Variants in ABCA13 observed in about 807,000 individuals in gnomAD.
The protein encoded by ABCA13 is ATP-binding cassette sub-family A member 13.
A neutral mutation model predicts 478.7 loss-of-function variants in ABCA13; 476 were observed. The observed-to-expected ratio is 0.99, with a 90% CI of 0.92 to 1.07. ABCA13 has a LOEUF of 1.07. Ranked by LOEUF, ABCA13 falls within the 50% of genes least tolerant of loss-of-function variation. The pLI, the probability that ABCA13 is intolerant of heterozygous loss-of-function variation, is 0.00. For missense variants in ABCA13, 6,060 were observed against 5,910.6 expected (o/e 1.03, Z -0.83); for synonymous variants, 2,252 against 2,158.9 (o/e 1.04, Z -1.20).
At chr7:48,563,182 G>A (rs1786650215) in intron 55 of ABCA13, among the ~76,000 whole-genome samples, 3 of 152,142 alleles carry the variant, frequency 2.0e-5, no homozygotes, top group South Asian at 2.1e-4. Flanking sequence ...CAGTCATGCA[G>A]CATTTCTCTT....
intron 55 of ABCA13, among the ~76,000 whole-genome samples, chr7:48,576,440 G>A (rs748245561): frequency 8.5e-5 from 13 of 152,160 alleles, no homozygotes; most frequent in Non-Finnish European, 1.2e-4. Flanking sequence ...AAATCCTTTC[G>A]TGCTTTCAGC....
intron 43 of ABCA13, among the ~76,000 whole-genome samples, chr7:48,466,073 T>C (rs1418306986): frequency 6.6e-6 from 1 of 152,204 alleles, no homozygotes; most frequent in African/African-American, 2.4e-5. Flanking sequence ...AATAATGCAA[T>C]GTAAGTTCTG....
intron 42 of ABCA13, among the ~76,000 whole-genome samples, chr7:48,434,504 T>C (rs1406069298): frequency 6.6e-6 from 1 of 151,984 alleles, no homozygotes; most frequent in Non-Finnish European, 1.5e-5. Context: ...CTAAAGTTTT[T>C]AATTTTGATG....
chr7:48,629,133 T>C (rs969297536), intron 59 of ABCA13, among the ~76,000 whole-genome samples: 1 of 152,208 alleles, frequency 6.6e-6, no homozygotes, highest in Non-Finnish European at 1.5e-5. Context: ...GGTGTACGAT[T>C]CAGTCCTAAT....
intron 45 of ABCA13, among the ~76,000 whole-genome samples, chr7:48,476,494 G>A (rs917563466): frequency 3.9e-5 from 6 of 152,246 alleles, no homozygotes; most frequent in Admixed American, 1.3e-4. Context: ...GAAAGGGTTT[G>A]GAATGCAGAA....
Position 48,249,210 on chromosome 7 carries a change from A to C in ABCA13, c.1866-2A>C. 3.1e-6 allele frequency: 5 copies of C among 1,600,780 alleles called. No individual in the cohort carries two copies. The highest frequency in any genetic ancestry group is 3.4e-6 in the Non-Finnish European group (4 of 1,172,792). ...TTTTCTCTGGATTCTTTTTGATTGC[A>C]GGATATTTCATACACTTGAAAAAAC... On this transcript the variant is annotated splice_acceptor_variant, in intron 14 of 61. Coordinates refer to ENST00000435803, the MANE Select transcript of ABCA13 (RefSeq NM_152701.5). LOFTEE classifies it high-confidence loss of function.
chr7:48,332,483 A>G (rs1421184258), intron 27 of ABCA13, among the ~76,000 whole-genome samples: 1 of 152,166 alleles, frequency 6.6e-6, no homozygotes, highest in East Asian at 1.9e-4. Context: ...AAATATCATC[A>G]TCTTGACTAT....
At chr7:48,582,676 C>T (rs1010113968) in intron 56 of ABCA13, among the ~76,000 whole-genome samples, 3 of 152,172 alleles carry the variant, frequency 2.0e-5, no homozygotes, top group Admixed American at 1.3e-4. Context: ...GAGCCCATGC[C>T]ATGGCTGAGC....
At chr7:48,281,269 A>G (rs1796988365) in intron 18 of ABCA13, 74 bp from the exon 19 acceptor site, 2 of 1,217,670 alleles carry the variant, frequency 1.6e-6, no homozygotes, top group Admixed American at 4.0e-5. Context: ...TTATAACTTA[A>G]CCTACACAGT....
intron 55 of ABCA13, 53 bp downstream of exon 55, chr7:48,528,398 G>T (rs1585711001): frequency 3.2e-6 from 4 of 1,252,890 alleles, no homozygotes; most frequent in Non-Finnish European, 3.2e-6. Flanking sequence ...TAAGCCCAGA[G>T]AACCCCCAGC....
intron 55 of ABCA13, among the ~76,000 whole-genome samples, chr7:48,539,014 A>C (rs887364802): frequency 6.6e-6 from 1 of 152,194 alleles, no homozygotes; most frequent in African/African-American, 2.4e-5. Flanking sequence ...CTGGATTCAG[A>C]GGTTTAGTTA....
chr7:48,589,705 A>C (rs867572297), intron 57 of ABCA13, among the ~76,000 whole-genome samples: 2 of 152,154 alleles, frequency 1.3e-5, no homozygotes, highest in Non-Finnish European at 2.9e-5. Context: ...ACAGAAATTC[A>C]GGTTTTGGAG....
intron 27 of ABCA13, among the ~76,000 whole-genome samples, chr7:48,334,247 G>A (rs1048625903): frequency 6.6e-6 from 1 of 152,084 alleles, no homozygotes; most frequent in South Asian, 2.1e-4. Flanking sequence ...AGTATAGCTG[G>A]CGTTTACTGA....
chr7:48,531,698 G>A (rs1027000202), intron 55 of ABCA13, among the ~76,000 whole-genome samples: 1 of 149,142 alleles, frequency 6.7e-6, no homozygotes, highest in East Asian at 1.9e-4. Flanking sequence ...TCCTTGTAGA[G>A]GTCTTTCACC....
At chr7:48,330,485 G>GTCCATCCATCCATCCA (rs374882823) in intron 27 of ABCA13, among the ~76,000 whole-genome samples, 6 of 134,968 alleles carry the variant, frequency 4.4e-5, no homozygotes, top group East Asian at 2.5e-4. Flanking sequence ...CCATCCATCC[G>GTCCATCCATCCATCCA]TCCATCCATC....
At chr7:48,211,108 T>C (rs1272261581) in intron 3 of ABCA13, among the ~76,000 whole-genome samples, 1 of 152,210 alleles carries the variant, frequency 6.6e-6, no homozygotes, top group East Asian at 1.9e-4. Context: ...GCAGGATTGG[T>C]CACTGATTAC....
At chr7:48,300,880 C>A (rs1800052018) in intron 23 of ABCA13, among the ~76,000 whole-genome samples, 1 of 152,198 alleles carries the variant, frequency 6.6e-6, no homozygotes, top group African/African-American at 2.4e-5. Context: ...CTGTGAAGCA[C>A]CCATCCACTT....
intron 15 of ABCA13, among the ~76,000 whole-genome samples, chr7:48,267,237 A>G (rs935820900): frequency 1.3e-5 from 2 of 152,190 alleles, no homozygotes; most frequent in East Asian, 1.9e-4. Flanking sequence ...CCTTACTGAT[A>G]TTATGTCTTG....
chr7:48,456,436 AAT>A (rs901997305), intron 43 of ABCA13, among the ~76,000 whole-genome samples: 2 of 152,332 alleles, frequency 1.3e-5, no homozygotes, highest in Non-Finnish European at 2.9e-5. Flanking sequence ...TTGATTATAA[AAT>A]ATGTTTCTTG....
Sources: gnomAD v4.1 joint callset for allele counts (sites outside exome capture counted in the v4.1 genomes callset) on GRCh38, gnomAD v4.1.1 for gene constraint, MANE v1.5 for transcripts, NCBI Gene and HGNC (gene_info 2026-07-23, HGNC 2026-07-21) for gene names.